The following GARRE1 variants were observed in gnomAD, a reference collection of about 807,000 sequenced individuals.
GARRE1 encodes granule associated Rac and RHOG effector protein 1.
A neutral mutation model predicts 103.2 loss-of-function variants in GARRE1; 49 were observed. That is an observed-to-expected ratio of 0.47 (90% CI 0.38 to 0.60). GARRE1 has a LOEUF of 0.60. Ranked by LOEUF, GARRE1 falls within the 20% of genes least tolerant of loss-of-function variation. GARRE1 has a pLI of 0.00. For synonymous variants in GARRE1, 505 were observed against 532.8 expected (o/e 0.95, Z 0.72); for missense variants, 1,199 against 1,370.5 (o/e 0.87, Z 1.98).
chr19:34,299,285 C>G (rs1169215883), intron 1 of GARRE1, among the ~76,000 whole-genome samples: 1 of 152,166 alleles, frequency 6.6e-6, no homozygotes, highest in Non-Finnish European at 1.5e-5. Flanking sequence ...TTTGCTGATG[C>G]CCCATAAAGT....
chr19:34,295,855 C>T (rs751458163), intron 1 of GARRE1, among the ~76,000 whole-genome samples: 5 of 152,076 alleles, frequency 3.3e-5, no homozygotes, highest in Non-Finnish European at 5.9e-5. Flanking sequence ...GATGTGAGGT[C>T]GGGGTCCAGA....
chr19:34,301,513 CAAAAAAAAAAAAAAAAA>C (rs57777660), intron 2 of GARRE1, among the ~76,000 whole-genome samples: 1 of 85,402 alleles, frequency 1.2e-5, no homozygotes, highest in Non-Finnish European at 2.2e-5. Flanking sequence ...GACCATGTCT[CAAAAAAAAAAAAAAAAA>C]AAAAAAAAGA....
intron 1 of GARRE1, among the ~76,000 whole-genome samples, chr19:34,265,255 G>A (rs1028655029): frequency 6.6e-6 from 1 of 152,200 alleles, no homozygotes; most frequent in Non-Finnish European, 1.5e-5. Flanking sequence ...TGGGAACAGA[G>A]TTTGGGGAAA....
At chr19:34,293,750 C>CTTTTTT (rs71165643) in intron 1 of GARRE1, among the ~76,000 whole-genome samples, 1 of 47,178 alleles carries the variant, frequency 2.1e-5, no homozygotes, top group African/African-American at 9.1e-5. Context: ...ACACATATTT[C>CTTTTTT]TTTTTTTTTT....
At chr19:34,352,528 G>A in intron 13 of GARRE1, 119 bp from the exon 14 acceptor site, 1 of 780,336 alleles carries the variant, frequency 1.3e-6, no homozygotes, top group Non-Finnish European at 2.2e-6. Context: ...CAGGGGTGTG[G>A]GAGTGAGTGG....
intron 1 of GARRE1, among the ~76,000 whole-genome samples, chr19:34,257,352 T>C (rs2073680728): frequency 6.6e-6 from 1 of 152,120 alleles, no homozygotes. Context: ...CTCTCTTTTT[T>C]TTTGAGTCGG....
At chr19:34,310,689 C>G (rs1360878045) in intron 2 of GARRE1, among the ~76,000 whole-genome samples, 1 of 152,184 alleles carries the variant, frequency 6.6e-6, no homozygotes, top group Non-Finnish European at 1.5e-5. Context: ...CACTCCAGGA[C>G]TGGTAGGCCA....
intron 1 of GARRE1, among the ~76,000 whole-genome samples, chr19:34,262,844 ATGTT>A (rs2073727277): frequency 6.6e-6 from 1 of 152,206 alleles, no homozygotes; most frequent in South Asian, 2.1e-4. Flanking sequence ...AGAACAATGT[ATGTT>A]TGCCCATTTG....
chr19:34,255,061 A>C (rs1481784255), intron 1 of GARRE1, among the ~76,000 whole-genome samples: 3 of 151,854 alleles, frequency 2.0e-5, no homozygotes, highest in Non-Finnish European at 4.4e-5. Context: ...CTAGCCGGGG[A>C]GGCGGCCCTC....
At chr19:34,343,701 G>T (rs1287508854) in intron 10 of GARRE1, among the ~76,000 whole-genome samples, 1 of 152,008 alleles carries the variant, frequency 6.6e-6, no homozygotes, top group Non-Finnish European at 1.5e-5. Flanking sequence ...TAAAAAATTA[G>T]CTGGGTGTGG....
Position 34,300,695 on chromosome 19 carries a change from C to T in GARRE1, c.222C>T (p.Ala74=), listed in dbSNP as rs202077029. ...HHAMPHTTPI[A]DIQQGISKYL... ...CCATGCCCCACACTACTCCTATCGCCGACATCCAGCAGGGCATCTCCAAGT... is the reference window on the plus strand; with the variant it reads ...CCATGCCCCACACTACTCCTATCGCTGACATCCAGCAGGGCATCTCCAAGT... The change falls in exon 2 of 14, where the codon GCC becomes GCT. Residue 74 remains alanine (A), a synonymous_variant. Coordinates refer to ENST00000299505, the MANE Select transcript of GARRE1 (RefSeq NM_014686.5). The T allele has an allele frequency of 2.0e-5, 33 of 1,614,144 alleles. No homozygotes were observed. The highest frequency in any genetic ancestry group is 1.1e-4 in the African/African-American group (8 of 75,074).
In GARRE1 at chr19:34,319,309, C is replaced by T. The variant is rs1465522521; in HGVS notation, c.496-598C>T. ...ATCAGGTTAATGGGTTTCTACTGTA[C>T]TCATGAGTGGAGCTGTCCATTATAT... On this transcript the variant is annotated intron_variant, in intron 2 of 13. Transcript: ENST00000299505. Among the ~76,000 whole-genome samples the T allele has an allele frequency of 3.9e-5, 6 of 152,146 alleles. No individual in the cohort carries two copies. In the East Asian group the frequency reaches 9.6e-4, roughly 24 times the overall value.
Position 34,300,444 on chromosome 19 carries a change from T to C in GARRE1, c.-30T>C. On this transcript the variant is annotated 5_prime_UTR_variant, in exon 2 of 14. Transcript: ENST00000299505. ...AGAAGAATCAGAACCCTGACCCACT[T>C]ACGGTTGCTGGGACAATTCCCCCTC... 6.6e-7 allele frequency: 1 copy of C among 1,523,262 alleles called. No homozygotes were observed. Among genetic ancestry groups the C allele is most frequent in the South Asian group, 1.3e-5 (1 of 77,358 alleles). The allele number at this position is 1,523,262 out of a possible 1,614,324, so 94.4% of individuals were successfully genotyped here.
chr19:34,255,249 G>A (rs892027791), intron 1 of GARRE1, among the ~76,000 whole-genome samples: 6 of 152,228 alleles, frequency 3.9e-5, no homozygotes, highest in African/African-American at 1.4e-4. Context: ...AGGGACGAGC[G>A]CAGAGTCAGG....
chr19:34,327,347 G>T, intron 3 of GARRE1, 74 bp from the exon 4 acceptor site: 1 of 1,360,972 alleles, frequency 7.3e-7, no homozygotes, highest in Non-Finnish European at 1.0e-6. Context: ...TTTTCTTGTT[G>T]TTGTTATTGT....
intron 1 of GARRE1, among the ~76,000 whole-genome samples, chr19:34,297,592 T>C (rs1194672579): frequency 6.6e-6 from 1 of 152,156 alleles, no homozygotes; most frequent in African/African-American, 2.4e-5. Context: ...AGACACTCAC[T>C]GTGGCCAACT....
intron 1 of GARRE1, among the ~76,000 whole-genome samples, chr19:34,267,735 C>A (rs2073760994): frequency 1.3e-5 from 2 of 148,398 alleles, no homozygotes; most frequent in Middle Eastern, 3.2e-3. Flanking sequence ...TTTTTTTTAA[C>A]AAATTAGGTT....
intron 8 of GARRE1, among the ~76,000 whole-genome samples, chr19:34,339,212 T>C (rs574441551): frequency 6.6e-6 from 1 of 152,324 alleles, no homozygotes; most frequent in African/African-American, 2.4e-5. Flanking sequence ...CCACTTCAGA[T>C]GCCATCCACA....
At chr19:34,303,608 A>G (rs2073991785) in intron 2 of GARRE1, among the ~76,000 whole-genome samples, 1 of 152,090 alleles carries the variant, frequency 6.6e-6, no homozygotes, top group Middle Eastern at 3.2e-3. Context: ...TCTCTCTCAC[A>G]TATTCTTTGT....
Sources: allele counts gnomAD v4.1 joint callset (sites outside exome capture counted in the v4.1 genomes callset), GRCh38; gene constraint gnomAD v4.1.1; transcripts MANE v1.5; gene names NCBI Gene and HGNC (gene_info 2026-07-23, HGNC 2026-07-21).